The following SGCZ variants were observed in gnomAD, a reference collection of about 807,000 sequenced individuals.
SGCZ encodes sarcoglycan zeta.
SGCZ carries 40 observed loss-of-function variants against 41.3 expected under a neutral mutation model. That is an observed-to-expected ratio of 0.97 (90% CI 0.75 to 1.26). The LOEUF is 1.26. Among genes scored for constraint, SGCZ ranks in the 50% most tolerant of loss-of-function variants. The pLI is 0.00. For missense variants in SGCZ, 552 were observed against 369.8 expected, an observed-to-expected ratio of 1.49 and a Z score of -4.04; for synonymous variants, 206 against 137.5, an observed-to-expected ratio of 1.50 and a Z score of -3.49.
chr8:14,108,463 T>C lies in SGCZ; in HGVS notation c.548-228A>G, dbSNP rs547520932. ...CATGGCTGGGGAGCCCTCAGAATCA[T>C]GGCGGGAGGCAACAGGCACTTCATA... On this transcript the variant is annotated intron_variant, in intron 5 of 7. Coordinates refer to ENST00000382080, the MANE Select transcript of SGCZ (RefSeq NM_139167.4). 4.3e-4 allele frequency among the ~76,000 whole-genome samples: 66 copies of C among 152,228 alleles called. 1 individual carries two copies. The South Asian group carries it at 0.013, about 31-fold the overall frequency.
intron 5 of SGCZ, among the ~76,000 whole-genome samples, chr8:14,147,126 A>G (rs528537855): frequency 5.9e-5 from 9 of 152,072 alleles, no homozygotes; most frequent in Non-Finnish European, 1.3e-4. Flanking sequence ...GATACACAAA[A>G]ACTAAAAAAC....
At chr8:14,987,683 C>A (rs1385344345) in intron 1 of SGCZ, among the ~76,000 whole-genome samples, 2 of 151,950 alleles carry the variant, frequency 1.3e-5, no homozygotes, top group Non-Finnish European at 2.9e-5. Context: ...GGCATCTTTA[C>A]TGGAAGAAAC....
chr8:14,673,295 C>A (rs1808163291), intron 1 of SGCZ, among the ~76,000 whole-genome samples: 1 of 152,174 alleles, frequency 6.6e-6, no homozygotes, highest in Non-Finnish European at 1.5e-5. Context: ...AAGGGACGGA[C>A]CTGGTGGGAG....
intron 1 of SGCZ, among the ~76,000 whole-genome samples, chr8:15,187,979 T>C (rs1276045652): frequency 2.0e-5 from 3 of 152,042 alleles, no homozygotes; most frequent in African/African-American, 7.2e-5. Context: ...CGTATTTGTG[T>C]ATGATACAAT....
chr8:14,797,273 G>A (rs538197454), intron 1 of SGCZ, among the ~76,000 whole-genome samples: 1 of 152,082 alleles, frequency 6.6e-6, no homozygotes, highest in Non-Finnish European at 1.5e-5. Context: ...GAACTTCCTA[G>A]AGACTTGTTG....
At position 14,177,307 on chromosome 8, in the gene SGCZ, G is replaced by A. The variant is rs1488333277; in HGVS notation, c.425-12605C>T. ...CTACTGAGAGCAGGGAAGGGAGAAA[G>A]GATTGAAACTCCTGCAAAAGACTGA... is the stretch of plus-strand genomic sequence containing the variant. On this transcript the variant is annotated intron_variant, in intron 4 of 7. Transcript: ENST00000382080. Among the ~76,000 whole-genome samples, 177 of 152,106 alleles carry A rather than the reference G, an allele frequency of 1.2e-3. 5 individuals carry two copies. The highest frequency in any genetic ancestry group is 0.011 in the Admixed American group (175 of 15,284).
At position 14,746,547 on chromosome 8, in the gene SGCZ, T is replaced by C. The variant is rs1799344969; in HGVS notation, c.40-191621A>G. 2.0e-5 allele frequency among the ~76,000 whole-genome samples: 3 copies of C among 152,290 alleles called. No homozygotes were observed. The South Asian group carries it at 6.2e-4, about 32-fold the overall frequency. On this transcript the variant is annotated intron_variant, in intron 1 of 7. Transcript: ENST00000382080. ...CCCTCCCACTCTCTATCTCAGGATG[T>C]GTAAATAAAATAAATAAACCTGGCA...
At chr8:14,147,534 G>T (rs962467442) in intron 5 of SGCZ, among the ~76,000 whole-genome samples, 1 of 152,068 alleles carries the variant, frequency 6.6e-6, no homozygotes, top group Admixed American at 6.5e-5. Context: ...AAATAGATCT[G>T]CACCCAACAC....
intron 3 of SGCZ, among the ~76,000 whole-genome samples, chr8:14,296,917 T>G (rs987817249): frequency 6.6e-5 from 10 of 152,160 alleles, no homozygotes; most frequent in Non-Finnish European, 1.2e-4. Context: ...TATTTTTAAC[T>G]GAATAATTTT....
intron 2 of SGCZ, among the ~76,000 whole-genome samples, chr8:14,458,223 T>A (rs1021449247): frequency 2.6e-5 from 4 of 152,140 alleles, no homozygotes; most frequent in Non-Finnish European, 5.9e-5. Context: ...AATACAAATA[T>A]TTTAAAAAAT....
chr8:14,774,128 A>T lies in SGCZ; in HGVS notation c.40-219202T>A, dbSNP rs559336999. Among the ~76,000 whole-genome samples, 14 of 152,310 alleles carry T rather than the reference A, an allele frequency of 9.2e-5. No homozygotes were observed. In the South Asian group the frequency reaches 2.7e-3, roughly 29 times the overall value. ...TTTTGAGTAAAGCAGACTGCCCTCC[A>T]TAATGTGGGTTAGCTTTATACAATT... On this transcript the variant is annotated intron_variant, in intron 1 of 7. Coordinates refer to ENST00000382080, the MANE Select transcript of SGCZ (RefSeq NM_139167.4).
chr8:15,087,990 T>G (rs1452611923), intron 1 of SGCZ, among the ~76,000 whole-genome samples: 1 of 148,006 alleles, frequency 6.8e-6, no homozygotes, highest in Non-Finnish European at 1.5e-5. Context: ...ATACCTCATA[T>G]GTCATTTCTG....
chr8:14,970,221 T>C (rs1031230666), intron 1 of SGCZ, among the ~76,000 whole-genome samples: 1 of 152,176 alleles, frequency 6.6e-6, no homozygotes, highest in Admixed American at 6.5e-5. Context: ...TTTGTTATTG[T>C]TGAGTTCTTA....
At position 14,872,948 on chromosome 8, in the gene SGCZ, G is replaced by C. The variant is rs372720639; in HGVS notation, c.40-318022C>G. Among the ~76,000 whole-genome samples the C allele has an allele frequency of 3.3e-5, 5 of 152,222 alleles. No individual in the cohort carries two copies. The East Asian group carries it at 5.8e-4, about 18-fold the overall frequency. The stretch of plus-strand genomic sequence containing the variant: ...CACTGACTTGAGAGTTAGAAATAAA[G>C]CAGAAGTCAAACGTTTAACTTGATA... On this transcript the variant is annotated intron_variant, in intron 1 of 7. Transcript: ENST00000382080.
At chr8:14,171,345 C>T (rs1330557393) in intron 4 of SGCZ, among the ~76,000 whole-genome samples, 2 of 151,916 alleles carry the variant, frequency 1.3e-5, no homozygotes, top group Non-Finnish European at 2.9e-5. Context: ...TCATGTTGCA[C>T]TTTAAACACA....
At chr8:14,504,679 G>A (rs1585605024) in intron 2 of SGCZ, among the ~76,000 whole-genome samples, 1 of 151,922 alleles carries the variant, frequency 6.6e-6, no homozygotes, top group African/African-American at 2.4e-5. Flanking sequence ...TTTGTTCACA[G>A]ATGCCTGACA....
chr8:14,902,088 A>C (rs1798988087), intron 1 of SGCZ, among the ~76,000 whole-genome samples: 1 of 152,130 alleles, frequency 6.6e-6, no homozygotes, highest in Non-Finnish European at 1.5e-5. Flanking sequence ...ATAAATGCCT[A>C]CACTCAAATT....
At chr8:14,523,226 C>T (rs1802842686) in intron 2 of SGCZ, among the ~76,000 whole-genome samples, 1 of 151,958 alleles carries the variant, frequency 6.6e-6, no homozygotes, top group Non-Finnish European at 1.5e-5. Context: ...ATGGGAAAAT[C>T]TATTAAACTT....
At chr8:14,263,510 C>T (rs899413909) in intron 3 of SGCZ, among the ~76,000 whole-genome samples, 4 of 152,096 alleles carry the variant, frequency 2.6e-5, no homozygotes, top group African/African-American at 9.7e-5. Context: ...GATGATGCCA[C>T]TGCACTCCAG....
Sources: gnomAD v4.1 joint callset for allele counts (sites outside exome capture counted in the v4.1 genomes callset) on GRCh38, gnomAD v4.1.1 for gene constraint, MANE v1.5 for transcripts, NCBI Gene and HGNC (gene_info 2026-07-23, HGNC 2026-07-21) for gene names.